Variants in THOP1 observed in about 807,000 individuals in gnomAD.
THOP1 encodes thimet oligopeptidase.
Under a neutral mutation model 71.8 loss-of-function variants are expected in THOP1, and 49 were observed. The observed-to-expected ratio is 0.68, with a 90% CI of 0.54 to 0.87. The LOEUF is 0.87. THOP1 is among the 40% of genes least tolerant of loss of function. THOP1 has a pLI of 0.00. For missense variants in THOP1, 843 were observed against 975.6 expected (o/e 0.86, Z 1.81); for synonymous variants, 426 against 421.5 (o/e 1.01, Z -0.13).
At position 2,808,229 on chromosome 19, in the gene THOP1, G is replaced by A; in HGVS notation, c.1254-14G>A. ...TCTAGTCCCTGCGGGGCCTGACGCTGCCTCCCTCCCCAGGGAAGGAAAGTA... is the reference window on the plus strand; with the variant it reads ...TCTAGTCCCTGCGGGGCCTGACGCTACCTCCCTCCCCAGGGAAGGAAAGTA... On this transcript the variant is annotated splice_polypyrimidine_tract_variant and intron_variant, in intron 8 of 12. Coordinates refer to ENST00000307741, the MANE Select transcript of THOP1 (RefSeq NM_003249.5). 1.3e-6 allele frequency: 2 copies of A among 1,545,628 alleles called. No homozygotes were observed.
intron 5 of THOP1, among the ~76,000 whole-genome samples, chr19:2,803,758 C>T (rs548761012): frequency 6.3e-4 from 96 of 152,158 alleles, no homozygotes; most frequent in Non-Finnish European, 9.8e-4. Context: ...AACGGGAAGG[C>T]GGGGGCTCTG....
chr19:2,803,854 C>G (rs965641200), intron 5 of THOP1, among the ~76,000 whole-genome samples: 1 of 152,182 alleles, frequency 6.6e-6, no homozygotes, highest in East Asian at 1.9e-4. Context: ...CTCTGGCCCC[C>G]CAACCGGATC....
intron 1 of THOP1, among the ~76,000 whole-genome samples, chr19:2,787,658 C>T (rs377348018): frequency 1.3e-5 from 2 of 152,184 alleles, no homozygotes; most frequent in East Asian, 1.9e-4. Context: ...CTCAACTGAC[C>T]GACTGAGAGC....
At position 2,804,428 on chromosome 19, in the gene THOP1, G is replaced by C. The variant is rs765335992; in HGVS notation, c.590-588G>C. Among the ~76,000 whole-genome samples, 1 of 152,174 alleles carries C rather than the reference G, an allele frequency of 6.6e-6. No homozygotes were observed. Reference sequence around the variant, plus strand: ...GAAAGTGGTTGAGCCGTGGGGCTGCGTGCTGAGATCTCAGCTCTGAGCGGG... The same window carrying C: ...GAAAGTGGTTGAGCCGTGGGGCTGCCTGCTGAGATCTCAGCTCTGAGCGGG... On this transcript the variant is annotated intron_variant, in intron 5 of 12. Transcript: ENST00000307741. This position sits in a 1 kb window ranked among gnomAD's most constrained non-coding sequence, Gnocchi z 4.7.
rs568371398 is a variant in THOP1 at position 2,799,885 on chromosome 19, G to C, written c.589+94G>C. 6.8e-6 allele frequency: 8 copies of C among 1,178,238 alleles called. No homozygotes were observed. In the Admixed American group the frequency reaches 1.5e-4, roughly 22 times the overall value. 73.0% of individuals were successfully genotyped at this position (1,178,238 alleles called of 1,614,324 possible). A position where few individuals can be genotyped will look rare whatever the true frequency, so the allele number is the denominator to read the frequency against. On this transcript the variant is annotated intron_variant, in intron 5 of 12. Transcript: ENST00000307741. ...CGGGGGCCGCCGCTTCCTCCTGTGG[G>C]CTTCTGTGCTGAAGGGCGGCGGGAG... is the stretch of plus-strand genomic sequence containing the variant.
At chr19:2,789,770 T>C (rs1204868356) in intron 1 of THOP1, 1 of 148,574 alleles carries the variant, frequency 6.7e-6, no homozygotes, top group Admixed American at 6.7e-5. Flanking sequence ...TTTTTCTCTT[T>C]GAGATGGAGT....
intron 1 of THOP1, 23 bp downstream of exon 1, chr19:2,785,701 G>T: frequency 7.0e-7 from 1 of 1,437,766 alleles, no homozygotes; most frequent in Non-Finnish European, 9.2e-7. Flanking sequence ...CCGCTCGCCG[G>T]ACCCGGGCGT....
intron 5 of THOP1, among the ~76,000 whole-genome samples, chr19:2,802,279 A>G (rs1315175952): frequency 1.2e-5 from 1 of 81,152 alleles, no homozygotes; most frequent in African/African-American, 4.9e-5. Flanking sequence ...ACCTCCCGAC[A>G]CCCCCACCTC....
intron 3 of THOP1, among the ~76,000 whole-genome samples, chr19:2,795,577 T>G (rs1319087184): frequency 6.6e-6 from 1 of 152,210 alleles, no homozygotes; most frequent in Non-Finnish European, 1.5e-5. Context: ...AGCCGTGGAT[T>G]GTTATTTCTT....
intron 5 of THOP1, among the ~76,000 whole-genome samples, chr19:2,800,347 G>A (rs1290631659): frequency 6.6e-6 from 1 of 152,106 alleles, no homozygotes; most frequent in Admixed American, 6.6e-5. Flanking sequence ...CATCACACCT[G>A]GCAAATTTTT....
chr19:2,803,636 T>C (rs1916213139), intron 5 of THOP1, among the ~76,000 whole-genome samples: 1 of 152,206 alleles, frequency 6.6e-6, no homozygotes, highest in African/African-American at 2.4e-5. Flanking sequence ...GAGCTGCTGT[T>C]TGAAGGCCCG....
chr19:2,811,470 C>T (rs1916459828), intron 11 of THOP1, 128 bp from the exon 12 acceptor site: 2 of 1,323,312 alleles, frequency 1.5e-6, no homozygotes, highest in East Asian at 2.6e-5. Flanking sequence ...GGTCTCGGCC[C>T]TCACCGTGAT....
Position 2,806,991 on chromosome 19 carries a change from C to A in THOP1, c.825C>A (p.His275Gln). ...QKSRLLGFHTHADYVLEMNMA... is the reference protein window; with the variant it reads ...QKSRLLGFHTQADYVLEMNMA... ...CCCGCCTGCTGGGGTTCCACACGCA[C>A]GCCGACTATGTCCTGGAGATGAACA... The change falls in exon 7 of 13, where the codon CAC becomes CAA. Residue 275 changes from histidine to glutamine, a missense_variant. Physicochemically the swap from His to Gln is conservative, Grantham distance 24. Transcript: ENST00000307741. 1 of 1,613,054 alleles carries A rather than the reference C, an allele frequency of 6.2e-7. No individual in the cohort carries two copies. Among genetic ancestry groups the A allele is most frequent in the Non-Finnish European group, 8.5e-7 (1 of 1,179,852 alleles).
At chr19:2,789,568 G>T (rs1328522239) in intron 1 of THOP1, among the ~76,000 whole-genome samples, 1 of 152,172 alleles carries the variant, frequency 6.6e-6, no homozygotes, top group Admixed American at 6.5e-5. Flanking sequence ...CACTGGGTGT[G>T]GGGTGTGGAA....
At chr19:2,807,854 C>A in intron 8 of THOP1, 46 bp downstream of exon 8, 2 of 1,423,696 alleles carry the variant, frequency 1.4e-6, no homozygotes, top group South Asian at 3.0e-5. Flanking sequence ...GGCCCTGGGT[C>A]TCCTCGGAGC....
In THOP1 at chr19:2,804,908, C is replaced by A. The variant is rs953350740; in HGVS notation, c.590-108C>A. The A allele has an allele frequency of 8.4e-7, 1 of 1,189,686 alleles. No individual in the cohort carries two copies. The highest frequency in any genetic ancestry group is 1.6e-5 in the African/African-American group (1 of 64,238). 73.7% of individuals were successfully genotyped at this position (1,189,686 alleles called of 1,614,324 possible). On this transcript the variant is annotated intron_variant, in intron 5 of 12. Coordinates refer to ENST00000307741, the MANE Select transcript of THOP1 (RefSeq NM_003249.5). This position sits in a 1 kb window ranked among gnomAD's most constrained non-coding sequence, Gnocchi z 4.7. ...GGCTGCAGCTGCTCGCTGAGGGCCCCCTTGTAGCTTTCCAGGCAGAGGGGA... is the reference window on the plus strand; with the variant it reads ...GGCTGCAGCTGCTCGCTGAGGGCCCACTTGTAGCTTTCCAGGCAGAGGGGA...
Position 2,807,603 on chromosome 19 carries a change from T to G in THOP1, c.1048T>G (p.Cys350Gly). Residue 350 changes from cysteine to glycine, a missense_variant, in exon 8 of 13, where the codon TGC becomes GGC. Cys to Gly is a radical substitution (Grantham distance 159). Coordinates refer to ENST00000307741, the MANE Select transcript of THOP1 (RefSeq NM_003249.5). Reference sequence around the variant, plus strand: ...GAACCAGGTGGAGGAGACGCGCTACTGCGTGGACCAGAACCTGCTCAAGGA... The same window carrying G: ...GAACCAGGTGGAGGAGACGCGCTACGGCGTGGACCAGAACCTGCTCAAGGA... ...YMNQVEETRY[C>G]VDQNLLKEYF... The G allele has an allele frequency of 6.2e-7, 1 of 1,612,618 alleles. No homozygotes were observed. The highest frequency in any genetic ancestry group is 8.5e-7 in the Non-Finnish European group (1 of 1,179,816).
rs377523708 is a variant in THOP1 at position 2,792,328 on chromosome 19, A to T, written c.229+1695A>T. Reference sequence around the variant, plus strand: ...CTGCAGCCTCCATCTCCCAGGCTCAAGCCATCTTTAATTTTTGGTAGAGAT... The same window carrying T: ...CTGCAGCCTCCATCTCCCAGGCTCATGCCATCTTTAATTTTTGGTAGAGAT... On this transcript the variant is annotated intron_variant, in intron 2 of 12. Coordinates refer to ENST00000307741, the MANE Select transcript of THOP1 (RefSeq NM_003249.5). 1.1e-4 allele frequency among the ~76,000 whole-genome samples: 16 copies of T among 152,226 alleles called. No homozygotes were observed. The East Asian group carries it at 2.9e-3, about 28-fold the overall frequency.
At chr19:2,807,857 C>T in intron 8 of THOP1, 49 bp downstream of exon 8, 1 of 1,423,024 alleles carries the variant, frequency 7.0e-7, no homozygotes, top group Non-Finnish European at 9.2e-7. Context: ...CCTGGGTCTC[C>T]TCGGAGCCCG....
Sources: allele counts gnomAD v4.1 joint callset (sites outside exome capture counted in the v4.1 genomes callset), GRCh38; gene constraint gnomAD v4.1.1; non-coding constraint Gnocchi (gnomAD v3.1); transcripts MANE v1.5; gene names NCBI Gene and HGNC (gene_info 2026-07-23, HGNC 2026-07-21).